The following PAM variants were observed in gnomAD, a reference collection of about 807,000 sequenced individuals.
PAM encodes the protein peptidylglycine alpha-amidating monooxygenase.
PAM carries 72 observed loss-of-function variants against 122.1 expected under a neutral mutation model. The ratio of observed to expected loss-of-function variants is 0.59; its 90% CI spans 0.49 to 0.72. PAM has a LOEUF of 0.72. Among genes scored for constraint, PAM ranks in the 30% least tolerant of loss-of-function variants. The pLI is 0.00. For synonymous variants in PAM, 389 were observed against 404.4 expected (o/e 0.96, Z 0.46); for missense variants, 1,106 against 1,183.7 (o/e 0.93, Z 0.96).
intron 12 of PAM, among the ~76,000 whole-genome samples, chr5:102,955,139 T>C (rs1760304082): frequency 6.6e-6 from 1 of 152,008 alleles, no homozygotes; most frequent in African/African-American, 2.4e-5. Context: ...ATAAACGGGG[T>C]AGAGGTGAAG....
intron 16 of PAM, among the ~76,000 whole-genome samples, chr5:102,998,501 G>A (rs1208984505): frequency 6.6e-6 from 1 of 152,168 alleles, no homozygotes; most frequent in Non-Finnish European, 1.5e-5. Flanking sequence ...CAAGAATTAT[G>A]AATTGGAATT....
chr5:102,922,968 C>T (rs553394879), intron 5 of PAM, among the ~76,000 whole-genome samples: 52 of 152,158 alleles, frequency 3.4e-4, no homozygotes, highest in African/African-American at 9.9e-4. Context: ...TTTCTTCCAA[C>T]GTACAATTCT....
At chr5:103,009,343 T>C (rs1779960398) in intron 20 of PAM, among the ~76,000 whole-genome samples, 1 of 152,192 alleles carries the variant, frequency 6.6e-6, no homozygotes, top group Non-Finnish European at 1.5e-5. Context: ...ATTCTCCATG[T>C]AGCTATGGCA....
chr5:102,805,628 C>T (rs1016125769), intron 1 of PAM, among the ~76,000 whole-genome samples: 5 of 152,142 alleles, frequency 3.3e-5, no homozygotes, highest in Admixed American at 1.3e-4. Flanking sequence ...AGGTCTGTCT[C>T]TTGCTGTCCT....
intron 5 of PAM, among the ~76,000 whole-genome samples, chr5:102,917,564 T>A (rs954213880): frequency 2.0e-5 from 3 of 152,196 alleles, no homozygotes; most frequent in Admixed American, 6.5e-5. Flanking sequence ...CATCAAAATG[T>A]CAAACTTGGA....
chr5:102,871,610 C>T (rs1019719678), intron 3 of PAM, among the ~76,000 whole-genome samples: 3 of 150,542 alleles, frequency 2.0e-5, no homozygotes, highest in Admixed American at 1.3e-4. Flanking sequence ...ATGCTTTTCT[C>T]AGAAATTCTT....
At chr5:102,960,251 C>G (rs1336729424) in intron 13 of PAM, among the ~76,000 whole-genome samples, 192 bp downstream of exon 13, 1 of 151,944 alleles carries the variant, frequency 6.6e-6, no homozygotes, top group Admixed American at 6.6e-5. Context: ...CCCATCAGAA[C>G]AGTTAAAGAG....
chr5:103,024,601 G>T (rs527870073), intron 23 of PAM, among the ~76,000 whole-genome samples: 39 of 152,166 alleles, frequency 2.6e-4, no homozygotes, highest in African/African-American at 9.2e-4. Context: ...AAAGATACAA[G>T]GAAACAAACA....
At chr5:102,849,587 G>C (rs910531785) in intron 1 of PAM, among the ~76,000 whole-genome samples, 4 of 149,992 alleles carry the variant, frequency 2.7e-5, no homozygotes, top group African/African-American at 9.8e-5. Flanking sequence ...AAAAGAAAAA[G>C]GTGCATAAGT....
chr5:103,018,418 G>C (rs1345473614), intron 22 of PAM, among the ~76,000 whole-genome samples: 2 of 152,136 alleles, frequency 1.3e-5, no homozygotes, highest in Non-Finnish European at 2.9e-5. Flanking sequence ...CAATTAATTT[G>C]GTAACTTTTG....
chr5:102,804,528 G>A (rs915741710), intron 1 of PAM, among the ~76,000 whole-genome samples: 6 of 152,174 alleles, frequency 3.9e-5, no homozygotes, highest in African/African-American at 1.4e-4. Context: ...TTTTCATTAA[G>A]TCAGTATGAA....
chr5:102,960,886 T>A (rs898626570), intron 13 of PAM, among the ~76,000 whole-genome samples: 9 of 133,712 alleles, frequency 6.7e-5, no homozygotes, highest in African/African-American at 2.4e-4. Context: ...ATTTTGTCAA[T>A]GCATTTTGAA....
intron 5 of PAM, 51 bp from the exon 6 acceptor site, chr5:102,924,906 A>T: frequency 1.0e-6 from 1 of 957,974 alleles, no homozygotes; most frequent in Non-Finnish European, 1.7e-6. Flanking sequence ...GGAGCAATTT[A>T]TGCATTTCAC....
Position 102,890,180 on chromosome 5 carries a change from A to T in PAM, c.211-11176A>T, listed in dbSNP as rs556307909. Among the ~76,000 whole-genome samples, 48 of 151,924 alleles carry T rather than the reference A, an allele frequency of 3.2e-4. No homozygotes were observed. The South Asian group carries it at 1.0e-2, about 32-fold the overall frequency. The stretch of plus-strand genomic sequence containing the variant: ...TTCTTTTTTGTGCTGGTGCATCTAG[A>T]GGCTAGATCAGATTTAGATTAGAGT... On this transcript the variant is annotated intron_variant, in intron 3 of 25. Coordinates refer to ENST00000438793, the MANE Select transcript of PAM (RefSeq NM_001177306.2).
At chr5:102,933,135 C>T (rs910549330) in intron 7 of PAM, among the ~76,000 whole-genome samples, 4 of 152,144 alleles carry the variant, frequency 2.6e-5, no homozygotes, top group African/African-American at 9.7e-5. Flanking sequence ...GGAAAGCAGG[C>T]AAGATCACAC....
intron 1 of PAM, among the ~76,000 whole-genome samples, chr5:102,847,526 G>C (rs1780250829): frequency 6.6e-6 from 1 of 152,010 alleles, no homozygotes; most frequent in South Asian, 2.1e-4. Context: ...TATTTGCTTT[G>C]GTTGATGCAG....
chr5:102,976,309 C>T (rs1767654310), intron 15 of PAM, among the ~76,000 whole-genome samples: 2 of 152,092 alleles, frequency 1.3e-5, no homozygotes, highest in African/African-American at 2.4e-5. Flanking sequence ...TTCTCTTTCA[C>T]CATTTACTGT....
At chr5:102,921,709 A>T (rs1216384654) in intron 5 of PAM, among the ~76,000 whole-genome samples, 1 of 152,210 alleles carries the variant, frequency 6.6e-6, no homozygotes, top group Non-Finnish European at 1.5e-5. Context: ...AACTTGTTTT[A>T]TCTCAAATTT....
At chr5:102,760,228 C>T (rs1751899799) in intron 1 of PAM, among the ~76,000 whole-genome samples, 1 of 152,232 alleles carries the variant, frequency 6.6e-6, no homozygotes. Flanking sequence ...GGGTTCCCCT[C>T]TGACAATGCA....
Sources: allele counts gnomAD v4.1 joint callset (sites outside exome capture counted in the v4.1 genomes callset), GRCh38; gene constraint gnomAD v4.1.1; transcripts MANE v1.5; gene names NCBI Gene and HGNC (gene_info 2026-07-23, HGNC 2026-07-21).